The following C12orf56 variants were observed in gnomAD, a reference collection of about 807,000 sequenced individuals.
C12orf56 encodes the protein uncharacterized protein C12orf56.
Under a neutral mutation model 69.9 loss-of-function variants are expected in C12orf56, and 71 were observed. The ratio of observed to expected loss-of-function variants is 1.02; its 90% CI spans 0.84 to 1.24. The LOEUF is 1.24. Among genes scored for constraint, C12orf56 ranks in the 50% most tolerant of loss-of-function variants. The pLI is 0.00. For missense variants in C12orf56, 732 were observed against 738.5 expected (o/e 0.99, Z 0.10); for synonymous variants, 276 against 274.1 (o/e 1.01, Z -0.07).
chr12:64,279,393 G>A (rs1565735820), intron 8 of C12orf56, among the ~76,000 whole-genome samples: 1 of 152,174 alleles, frequency 6.6e-6, no homozygotes, highest in Non-Finnish European at 1.5e-5. Context: ...TGGTTGAAAA[G>A]CAGCTGAAGG....
intron 5 of C12orf56, among the ~76,000 whole-genome samples, chr12:64,307,836 CAATAAATA>C (rs761122569): frequency 6.6e-6 from 1 of 151,816 alleles, no homozygotes; most frequent in African/African-American, 2.4e-5. Flanking sequence ...GACCCCATCT[CAATAAATA>C]AATAAATAAA....
chr12:64,298,833 C>G (rs1032447254), intron 6 of C12orf56, among the ~76,000 whole-genome samples: 3 of 152,152 alleles, frequency 2.0e-5, no homozygotes, highest in Non-Finnish European at 2.9e-5. Context: ...CAGCTTTGTT[C>G]TTTATGCTTA....
intron 2 of C12orf56, among the ~76,000 whole-genome samples, chr12:64,346,116 A>G (rs1280614512): frequency 6.6e-6 from 1 of 152,188 alleles, no homozygotes; most frequent in Non-Finnish European, 1.5e-5. Flanking sequence ...GAACTAATGG[A>G]ATATATACAT....
chr12:64,329,329 A>G lies in C12orf56; in HGVS notation c.488+1631T>C, dbSNP rs547417007. Among the ~76,000 whole-genome samples the G allele has an allele frequency of 1.4e-3, 209 of 152,062 alleles. 5 individuals carry two copies. The South Asian group carries it at 0.031, about 23-fold the overall frequency. ...TCTCCTATTTCAATTAAATGTTAGTATTGTGGATTCTGCCTATGAAATATC... is the reference window on the plus strand; with the variant it reads ...TCTCCTATTTCAATTAAATGTTAGTGTTGTGGATTCTGCCTATGAAATATC... On this transcript the variant is annotated intron_variant, in intron 3 of 12. Transcript: ENST00000543942.
intron 8 of C12orf56, among the ~76,000 whole-genome samples, chr12:64,280,064 A>T (rs551248688): frequency 1.3e-5 from 2 of 152,326 alleles, no homozygotes; most frequent in East Asian, 3.9e-4. Context: ...GGCACATTTC[A>T]AGAAAGTTAC....
At chr12:64,269,652 G>T (rs2037956499) in intron 12 of C12orf56, among the ~76,000 whole-genome samples, 3 of 151,662 alleles carry the variant, frequency 2.0e-5, no homozygotes, top group Admixed American at 2.0e-4. Flanking sequence ...GTGTCAGCAT[G>T]ATCTCAGCTC....
chr12:64,321,258 C>T (rs1487126343), intron 3 of C12orf56, among the ~76,000 whole-genome samples: 1 of 151,782 alleles, frequency 6.6e-6, no homozygotes, highest in Non-Finnish European at 1.5e-5. Flanking sequence ...TTTTTTATTT[C>T]AATAATTTTG....
intron 12 of C12orf56, among the ~76,000 whole-genome samples, chr12:64,268,246 T>C (rs1033328252): frequency 5.3e-5 from 8 of 152,058 alleles, no homozygotes; most frequent in East Asian, 1.9e-4. Flanking sequence ...AGAGAGGAGA[T>C]GGTGGCAAAC....
chr12:64,334,976 A>G (rs1460433544), intron 2 of C12orf56, among the ~76,000 whole-genome samples: 3 of 152,228 alleles, frequency 2.0e-5, no homozygotes, highest in African/African-American at 4.8e-5. Context: ...TGAAAAGCCC[A>G]ATGGCCACAG....
At chr12:64,365,467 T>G (rs972499743) in intron 1 of C12orf56, among the ~76,000 whole-genome samples, 3 of 151,600 alleles carry the variant, frequency 2.0e-5, no homozygotes, top group African/African-American at 7.3e-5. Flanking sequence ...GCCCGGCCGC[T>G]ATTCCCATTT....
intron 6 of C12orf56, among the ~76,000 whole-genome samples, chr12:64,300,525 G>T (rs2038429799): frequency 6.6e-6 from 1 of 152,088 alleles, no homozygotes; most frequent in Non-Finnish European, 1.5e-5. Context: ...GTCCCTGATT[G>T]TGTCCAGTGT....
chr12:64,348,400 T>C (rs2039176505), intron 2 of C12orf56, among the ~76,000 whole-genome samples: 2 of 152,238 alleles, frequency 1.3e-5, no homozygotes, highest in Admixed American at 6.5e-5. Flanking sequence ...TAAAGGATTG[T>C]AAAAGGTTTT....
chr12:64,385,867 G>C (rs1265255362), intron 1 of C12orf56, among the ~76,000 whole-genome samples: 1 of 152,080 alleles, frequency 6.6e-6, no homozygotes, highest in Non-Finnish European at 1.5e-5. Flanking sequence ...TGATAAACTG[G>C]CTCTGTCTAG....
chr12:64,323,124 G>T (rs2038793213), intron 3 of C12orf56, among the ~76,000 whole-genome samples: 1 of 152,188 alleles, frequency 6.6e-6, no homozygotes. Flanking sequence ...CTCGTGTGCT[G>T]CCCCATGGAG....
At chr12:64,269,650 A>C (rs2037956447) in intron 12 of C12orf56, among the ~76,000 whole-genome samples, 1 of 151,660 alleles carries the variant, frequency 6.6e-6, no homozygotes, top group African/African-American at 2.4e-5. Context: ...GTGTGTCAGC[A>C]TGATCTCAGC....
intron 3 of C12orf56, among the ~76,000 whole-genome samples, chr12:64,322,661 A>G (rs1214525840): frequency 6.6e-6 from 1 of 152,174 alleles, no homozygotes; most frequent in Non-Finnish European, 1.5e-5. Context: ...TCTGATAACA[A>G]CATCCTTCTT....
chr12:64,317,718 C>T (rs1156660545), intron 4 of C12orf56, among the ~76,000 whole-genome samples: 3 of 152,072 alleles, frequency 2.0e-5, no homozygotes, highest in Non-Finnish European at 4.4e-5. Flanking sequence ...CGAGATCACA[C>T]CACTGCGCTC....
At chr12:64,319,174 C>A (rs145954464) in intron 3 of C12orf56, among the ~76,000 whole-genome samples, 194 bp from the exon 4 acceptor site, 1 of 152,142 alleles carries the variant, frequency 6.6e-6, no homozygotes, top group Non-Finnish European at 1.5e-5. Flanking sequence ...TTTTAGTATA[C>A]GTTTCTGTTT....
At position 64,289,819 on chromosome 12, in the gene C12orf56, G is replaced by T. The variant is rs1160217783; in HGVS notation, c.1114-3759C>A. Among the ~76,000 whole-genome samples, 6 of 48,674 alleles carry T rather than the reference G, an allele frequency of 1.2e-4. 2 individuals are homozygous for T. The South Asian group carries it at 4.0e-3, about 32-fold the overall frequency. 31.9% of individuals were successfully genotyped at this position (48,674 alleles called of 152,430 possible). On this transcript the variant is annotated intron_variant, in intron 6 of 12. Transcript: ENST00000543942. ...TAGTGGTCTAAAATTCTCTTTTTTG[G>T]TTGTGTCTCTGCCCAGCTTTGGTAT...
Sources: gnomAD v4.1 joint callset for allele counts (sites outside exome capture counted in the v4.1 genomes callset) on GRCh38, gnomAD v4.1.1 for gene constraint, MANE v1.5 for transcripts, NCBI Gene and HGNC (gene_info 2026-07-23, HGNC 2026-07-21) for gene names.